Variants in CPNE6 observed in about 807,000 individuals in gnomAD.
CPNE6 encodes copine-6.
A neutral mutation model predicts 71.5 loss-of-function variants in CPNE6; 33 were observed. That is an observed-to-expected ratio of 0.46 (90% CI 0.35 to 0.62). The LOEUF is 0.62. Among genes scored for constraint, CPNE6 ranks in the 20% least tolerant of loss-of-function variants. The probability of loss-of-function intolerance (pLI) is 0.00; values close to 1 mark genes in which losing one functional copy is unlikely to be tolerated. For synonymous variants in CPNE6, 296 were observed against 293.0 expected (o/e 1.01, Z -0.10); for missense variants, 576 against 747.3 (o/e 0.77, Z 2.67).
chr14:24,074,880 C>G lies in CPNE6; in HGVS notation c.672+85C>G. ...CTTTCCCCTGCATGTGGCAAGCCTC[C>G]CTCCTCTCCCCCAAGTGATAATCAC... On this transcript the variant is annotated intron_variant, in intron 8 of 17. Transcript: ENST00000397016. The surrounding 1 kb of genome is among the most constrained non-coding windows in gnomAD (Gnocchi z 4.5). The G allele has an allele frequency of 9.3e-7, 1 of 1,072,528 alleles. No individual in the cohort carries two copies. The highest frequency in any genetic ancestry group is 1.4e-6 in the Non-Finnish European group (1 of 713,662). The allele number at this position is 1,072,528 out of a possible 1,614,324, so 66.4% of individuals were successfully genotyped here. A position where few individuals can be genotyped will look rare whatever the true frequency, so the allele number is the denominator to read the frequency against.
At position 24,077,420 on chromosome 14, in the gene CPNE6, G is replaced by A; in HGVS notation, c.1536+30G>A. 18 of 1,600,124 alleles carry A rather than the reference G, an allele frequency of 1.1e-5. No individual in the cohort carries two copies. Among genetic ancestry groups the A allele is most frequent in the Non-Finnish European group, 1.5e-5 (17 of 1,167,590 alleles). ...GTCCCCCGGGCCCCTTCCGGCTGAAGGACTCCTCAGCTTCTCATCCCCCCA... is the reference window on the plus strand; with the variant it reads ...GTCCCCCGGGCCCCTTCCGGCTGAAAGACTCCTCAGCTTCTCATCCCCCCA... On this transcript the variant is annotated intron_variant, in intron 16 of 17. Coordinates refer to ENST00000397016, the Ensembl canonical transcript of CPNE6. The surrounding 1 kb of genome is among the most constrained non-coding windows in gnomAD (Gnocchi z 6.1).
Position 24,075,387 on chromosome 14 carries a change from C to A in CPNE6, c.777+111C>A, listed in dbSNP as rs2036027698. 1 of 1,391,338 alleles carries A rather than the reference C, an allele frequency of 7.2e-7. No individual in the cohort carries two copies. The highest frequency in any genetic ancestry group is 1.0e-6 in the Non-Finnish European group (1 of 981,456). The allele number at this position is 1,391,338 out of a possible 1,614,324, so 86.2% of individuals were successfully genotyped here. A position where few individuals can be genotyped will look rare whatever the true frequency, so the allele number is the denominator to read the frequency against. Reference sequence around the variant, plus strand: ...TAGGAAGTGGAGAGGGTGGAAAGCACCTGGGCTCAGCTGAAGGACGGAACC... The same window carrying A: ...TAGGAAGTGGAGAGGGTGGAAAGCAACTGGGCTCAGCTGAAGGACGGAACC... On this transcript the variant is annotated intron_variant, in intron 9 of 17. Coordinates refer to ENST00000397016, the Ensembl canonical transcript of CPNE6. The surrounding 1 kb of genome is among the most constrained non-coding windows in gnomAD (Gnocchi z 4.3).
chr14:24,073,372 A>T lies in CPNE6; in HGVS notation c.169-127A>T. 9.0e-7 allele frequency: 1 copy of T among 1,107,612 alleles called. No individual in the cohort carries two copies. Among genetic ancestry groups the T allele is most frequent in the Non-Finnish European group, 1.3e-6 (1 of 773,162 alleles). 68.6% of individuals were successfully genotyped at this position (1,107,612 alleles called of 1,614,324 possible). ...CCCCAAGCTCAGGGATCAGCTTAGG[A>T]AGAGAAGAGCTGGTTGCTGGGGACG... On this transcript the variant is annotated intron_variant, in intron 3 of 17. Coordinates refer to ENST00000397016, the Ensembl canonical transcript of CPNE6. This position sits in a 1 kb window ranked among gnomAD's most constrained non-coding sequence, Gnocchi z 5.5.
At chr14:24,070,986 G>A (rs1232561268) in exon 1 of CPNE6, 6 of 1,535,460 alleles carry the variant, frequency 3.9e-6, no homozygotes, top group South Asian at 1.2e-5. Context: ...GTATGTGATG[G>A]CTTTTAAGGA....
rs755058815 is a variant in CPNE6, at chr14:24,075,482, T to C, written c.778-23T>C. 6.2e-7 allele frequency: 1 copy of C among 1,602,022 alleles called. No homozygotes were observed. The highest frequency in any genetic ancestry group is 8.5e-7 in the Non-Finnish European group (1 of 1,172,920). On this transcript the variant is annotated intron_variant, in intron 9 of 17. Coordinates refer to ENST00000397016, the Ensembl canonical transcript of CPNE6. This position sits in a 1 kb window ranked among gnomAD's most constrained non-coding sequence, Gnocchi z 4.3. ...GGGTCACCTGATGGACTTGTGACCC[T>C]GAGCTTGTGGGGTGGGGTCTAGATG...
exon 12 of CPNE6, chr14:24,076,252 C>CAAA: frequency 6.2e-7 from 1 of 1,614,226 alleles, no homozygotes; most frequent in Non-Finnish European, 8.5e-7. Flanking sequence ...GCCCTGCGTG[C>CAAA]AGTGGGAGGC....
In CPNE6 at chr14:24,073,790, C is replaced by T; in HGVS notation, c.348+112C>T. ...TAGAGCTAGTTCAACCCAGCCTTGG[C>T]TCCCATCTCTGCCATTCACTAGCTG... is the stretch of plus-strand genomic sequence containing the variant. On this transcript the variant is annotated intron_variant, in intron 4 of 17. Coordinates refer to ENST00000397016, the Ensembl canonical transcript of CPNE6. The surrounding 1 kb of genome is among the most constrained non-coding windows in gnomAD (Gnocchi z 5.5). 2 of 1,174,610 alleles carry T rather than the reference C, an allele frequency of 1.7e-6. No homozygotes were observed. The highest frequency in any genetic ancestry group is 2.4e-6 in the Non-Finnish European group (2 of 835,322). The allele number at this position is 1,174,610 out of a possible 1,614,324, so 72.8% of individuals were successfully genotyped here. A position where few individuals can be genotyped will look rare whatever the true frequency, so the allele number is the denominator to read the frequency against.
intron 14 of CPNE6, 32 bp downstream of exon 13, chr14:24,076,589 C>T (rs1469864501): frequency 1.2e-6 from 2 of 1,613,120 alleles, no homozygotes; most frequent in African/African-American, 2.7e-5. Context: ...TGCCCCGCCT[C>T]CCCGCAGACA....
At chr14:24,071,026 C>A in exon 1 of CPNE6, 2 of 1,535,538 alleles carry the variant, frequency 1.3e-6, no homozygotes, top group Non-Finnish European at 1.7e-6. Context: ...TGCTGTATTC[C>A]GGGTTAGTTT....
Position 24,075,741 on chromosome 14 carries a change from C to T in CPNE6, c.865-86C>T, listed in dbSNP as rs2036040792. On this transcript the variant is annotated intron_variant, in intron 10 of 17. Transcript: ENST00000397016. This position sits in a 1 kb window ranked among gnomAD's most constrained non-coding sequence, Gnocchi z 4.3. ...CTGCAACCCAAAAAACTCTGGCTCC[C>T]CCATGTTCCCCACAGAAGCCCTACC... 5 of 1,431,630 alleles carry T rather than the reference C, an allele frequency of 3.5e-6. No individual in the cohort carries two copies. The highest frequency in any genetic ancestry group is 4.6e-5 in the East Asian group (2 of 43,732). The allele number at this position is 1,431,630 out of a possible 1,614,324, so 88.7% of individuals were successfully genotyped here.
chr14:24,071,501 G>GCGGCCCCCCCCC, intron 1 of CPNE6, 61 bp from the exon 1 acceptor site: 3 of 1,416,702 alleles, frequency 2.1e-6, no homozygotes, highest in Non-Finnish European at 2.8e-6. Flanking sequence ...CTGGTGCTGC[G>GCGGCCCCCCCCC]CCCCCCCCCA....
Position 24,077,078 on chromosome 14 carries a change from T to G in CPNE6, c.1299+66T>G. On this transcript the variant is annotated intron_variant, in intron 15 of 17. Coordinates refer to ENST00000397016, the Ensembl canonical transcript of CPNE6. The surrounding 1 kb of genome is among the most constrained non-coding windows in gnomAD (Gnocchi z 6.1). ...TCTTTAAGTGGTGCCAGGGCCAGGG[T>G]CTGCACCTTGGTGGAAACGGTGTCA... is the stretch of plus-strand genomic sequence containing the variant. The G allele has an allele frequency of 6.3e-7, 1 of 1,598,636 alleles. No homozygotes were observed. The highest frequency in any genetic ancestry group is 8.5e-7 in the Non-Finnish European group (1 of 1,176,338).
intron 2 of CPNE6, 65 bp downstream of exon 1, chr14:24,071,706 A>C: frequency 1.5e-6 from 1 of 676,782 alleles, no homozygotes; most frequent in Non-Finnish European, 2.7e-6. Flanking sequence ...TCTCCATAAC[A>C]ACATCTCCTG....
chr14:24,074,798 G>A lies in CPNE6; in HGVS notation c.672+3G>A, dbSNP rs776680827. Reference sequence around the variant, plus strand: ...GTGATGTTCACCGACCTCTCAAGGTGAAGTCCCAGCCAAGCCAGCACAGCC... The same window carrying A: ...GTGATGTTCACCGACCTCTCAAGGTAAAGTCCCAGCCAAGCCAGCACAGCC... On this transcript the variant is annotated splice_donor_region_variant and intron_variant, in intron 8 of 17. Transcript: ENST00000397016. The surrounding 1 kb of genome is among the most constrained non-coding windows in gnomAD (Gnocchi z 4.5). 22 of 1,609,486 alleles carry A rather than the reference G, an allele frequency of 1.4e-5. No homozygotes were observed. The highest frequency in any genetic ancestry group is 1.6e-4 in the Middle Eastern group (1 of 6,070).
At position 24,073,623 on chromosome 14, in the gene CPNE6, C is replaced by G; in HGVS notation, c.293C>G (p.Ala98Gly). The G allele has an allele frequency of 6.2e-7, 1 of 1,613,968 alleles. No homozygotes were observed. Among genetic ancestry groups the G allele is most frequent in the Non-Finnish European group, 8.5e-7 (1 of 1,180,026 alleles). The change falls in exon 4 of 18, where the codon GCC (alanine) becomes GGC (glycine). Residue 98 changes from alanine to glycine, a missense_variant. Physicochemically the swap from Ala to Gly is moderately conservative, Grantham distance 60. This residue lies in a region of CPNE6 where 214 missense variants were observed against 291.2 expected (regional missense o/e 0.73). Transcript: ENST00000397016. This position sits in a 1 kb window ranked among gnomAD's most constrained non-coding sequence, Gnocchi z 5.5. ...CACGTGTTCGATGCCGAGGACGGAGCCACCAGCCCCCGAAATGATACCTTC... is the reference window on the plus strand; with the variant it reads ...CACGTGTTCGATGCCGAGGACGGAGGCACCAGCCCCCGAAATGATACCTTC...
Position 24,075,649 on chromosome 14 carries a change from AG to A in CPNE6, c.864+60del. On this transcript the variant is annotated intron_variant, in intron 10 of 17. Transcript: ENST00000397016. This position sits in a 1 kb window ranked among gnomAD's most constrained non-coding sequence, Gnocchi z 4.3. ...CAGCCCCTGCCCCTACCACACTCTC[AG>A]GTTCAACCCTTCCCTTGTTTCAAAG... is the stretch of plus-strand genomic sequence containing the variant. The A allele has an allele frequency of 6.8e-7, 1 of 1,466,374 alleles. No individual in the cohort carries two copies. The highest frequency in any genetic ancestry group is 9.4e-7 in the Non-Finnish European group (1 of 1,060,924). The allele number at this position is 1,466,374 out of a possible 1,614,324, so 90.8% of individuals were successfully genotyped here.
chr14:24,073,111 G>C lies in CPNE6; in HGVS notation c.168+7G>C, dbSNP rs971010098. The C allele has an allele frequency of 4.1e-6, 6 of 1,448,220 alleles. No homozygotes were observed. In the African/African-American group the frequency reaches 8.8e-5, roughly 21 times the overall value. 89.7% of individuals were successfully genotyped at this position (1,448,220 alleles called of 1,614,324 possible). On this transcript the variant is annotated splice_region_variant and intron_variant, in intron 3 of 17. Transcript: ENST00000397016. The surrounding 1 kb of genome is among the most constrained non-coding windows in gnomAD (Gnocchi z 5.5). Reference sequence around the variant, plus strand: ...TGATGAGCAGTGGGTGGAGGTGAGAGCAGCTCAGGTTTCTCCTTAACTAAC... The same window carrying C: ...TGATGAGCAGTGGGTGGAGGTGAGACCAGCTCAGGTTTCTCCTTAACTAAC...
At chr14:24,071,511 A>AC in intron 1 of CPNE6, 51 bp from the exon 1 acceptor site, 12 of 310,968 alleles carry the variant, frequency 3.9e-5, no homozygotes, top group South Asian at 2.2e-4. Context: ...GCCCCCCCCC[A>AC]CCCCTCCCCA....
intron 2 of CPNE6, 118 bp from the exon 2 acceptor site, chr14:24,072,815 G>A: frequency 3.2e-6 from 3 of 926,320 alleles, no homozygotes; most frequent in African/African-American, 1.7e-5. Flanking sequence ...AGGTCCGTGA[G>A]GCCCCAGGGT....
Sources: allele counts gnomAD v4.1 joint callset, GRCh38; gene constraint gnomAD v4.1.1; regional missense constraint gnomAD v4.1.1; non-coding constraint Gnocchi (gnomAD v3.1); transcripts MANE v1.5; gene names NCBI Gene and HGNC (gene_info 2026-07-23, HGNC 2026-07-21).